Variants in FAM199X observed in about 807,000 individuals in gnomAD.
FAM199X encodes the protein protein FAM199X.
In FAM199X, 4 loss-of-function variants were observed where a neutral mutation model predicts 22.9. The observed-to-expected ratio is 0.17, with a 90% CI of 0.09 to 0.40. The LOEUF (loss-of-function observed/expected upper bound fraction) is 0.40, where lower values mean the gene tolerates loss of function less well. FAM199X is among the 10% of genes least tolerant of loss of function. The probability of loss-of-function intolerance (pLI) is 1.00; values close to 1 mark genes in which losing one functional copy is unlikely to be tolerated. For missense variants in FAM199X, 183 were observed against 306.8 expected (o/e 0.60, Z 3.01); for synonymous variants, 101 against 112.3 (o/e 0.90, Z 0.64).
chrX:104,186,781 T>G (rs1921815236), intron 4 of FAM199X, among the ~76,000 whole-genome samples, 160 bp downstream of exon 4: 1 of 111,039 alleles, frequency 9.0e-6, no homozygotes, highest in Non-Finnish European at 1.9e-5. Context: ...ATTTAAGAGG[T>G]TTTATGTACA....
intron 1 of FAM199X, among the ~76,000 whole-genome samples, chrX:104,171,961 G>A (rs1032610366): frequency 9.0e-6 from 1 of 111,538 alleles, no homozygotes; most frequent in Non-Finnish European, 1.9e-5. Context: ...CTTTTTAAAC[G>A]TCTAGATGTA....
At chrX:104,187,500 A>G (rs1172372474) in intron 4 of FAM199X, among the ~76,000 whole-genome samples, 2 of 112,214 alleles carry the variant, frequency 1.8e-5, no homozygotes, top group Admixed American at 1.9e-4. Context: ...ATCATTATTT[A>G]TGAAAAATTT....
intron 2 of FAM199X, 52 bp downstream of exon 2, chrX:104,175,894 A>G (rs1921477594): frequency 1.1e-6 from 1 of 915,793 alleles, no homozygotes; most frequent in Non-Finnish European, 1.5e-6. Context: ...GTAGAAGTAT[A>G]AACTTTTCTT....
chrX:104,164,689 T>C (rs1453594821), upstream of FAM199X, among the ~76,000 whole-genome samples: 1 of 110,479 alleles, frequency 9.1e-6, no homozygotes, highest in Non-Finnish European at 1.9e-5. Flanking sequence ...GAAACCAGCC[T>C]GGCAAACATG....
chrX:104,174,075 G>C (rs782383129), intron 1 of FAM199X, among the ~76,000 whole-genome samples: 4 of 111,181 alleles, frequency 3.6e-5, no homozygotes, highest in Admixed American at 9.6e-5. Context: ...AGGAGTTTGA[G>C]ACGAGCCTGG....
upstream of FAM199X, among the ~76,000 whole-genome samples, chrX:104,162,532 T>C (rs1556372869): frequency 1.8e-5 from 2 of 112,211 alleles, no homozygotes; most frequent in Admixed American, 9.5e-5. Flanking sequence ...GTCCATCTTT[T>C]GTTGGCCTAC....
Position 104,194,978 on chromosome X carries a change from G to A in FAM199X, c.*5200G>A, listed in dbSNP as rs1922022926. 9.1e-6 allele frequency: 1 copy of A among 109,652 alleles called. No homozygotes were observed. Among genetic ancestry groups the A allele is most frequent in the Non-Finnish European group, 1.9e-5 (1 of 52,644 alleles). The allele number at this position is 109,652 out of a possible 1,213,427, so 9.0% of individuals were successfully genotyped here. ...CTGTACATTCTGTACTTACTACAGT[G>A]TATATAAAGCCTGTTTTCCCTGAAG... On this transcript the variant is annotated 3_prime_UTR_variant, in exon 6 of 6. Coordinates refer to ENST00000493442, the MANE Select transcript of FAM199X (RefSeq NM_207318.4).
chrX:104,161,608 C>T (rs1235339526), upstream of FAM199X, among the ~76,000 whole-genome samples: 10 of 110,743 alleles, frequency 9.0e-5, no homozygotes, highest in African/African-American at 3.0e-4. Context: ...TTTGGGAGGC[C>T]GAGGTGGGCG....
chrX:104,157,398 T>C, the FAM199X span, among the ~76,000 whole-genome samples: 3 of 111,204 alleles, frequency 2.7e-5, no homozygotes, highest in Non-Finnish European at 3.8e-5. Flanking sequence ...TCTGACTCTT[T>C]AGCTGCATAT....
the FAM199X span, among the ~76,000 whole-genome samples, chrX:104,160,044 C>G: frequency 8.9e-6 from 1 of 112,129 alleles, no homozygotes; most frequent in African/African-American, 3.2e-5. Flanking sequence ...ATCACTGGCC[C>G]AAGAATCATG....
the FAM199X span, among the ~76,000 whole-genome samples, chrX:104,159,662 C>T: frequency 6.5e-4 from 73 of 112,273 alleles, no homozygotes; most frequent in Non-Finnish European, 1.2e-3. Flanking sequence ...TTTTACACAG[C>T]TGGTGACCAG....
chrX:104,162,103 A>G (rs1921057259), upstream of FAM199X, among the ~76,000 whole-genome samples: 1 of 111,931 alleles, frequency 8.9e-6, no homozygotes, highest in South Asian at 3.7e-4. Flanking sequence ...CAGGTTCCCA[A>G]TCACATCCAT....
chrX:104,185,685 AC>A (rs1181283431), intron 2 of FAM199X, among the ~76,000 whole-genome samples: 1 of 110,252 alleles, frequency 9.1e-6, no homozygotes, highest in African/African-American at 3.3e-5. Context: ...ATCTCGGCTC[AC>A]TGCAACCTCC....
intron 2 of FAM199X, among the ~76,000 whole-genome samples, chrX:104,180,190 A>G (rs1225752041): frequency 9.3e-6 from 1 of 107,278 alleles, no homozygotes; most frequent in Non-Finnish European, 1.9e-5. Context: ...TTTGCTGCCC[A>G]GGCTGGTCTT....
At chrX:104,178,919 G>C (rs1180519250) in intron 2 of FAM199X, among the ~76,000 whole-genome samples, 1 of 111,391 alleles carries the variant, frequency 9.0e-6, no homozygotes, top group Non-Finnish European at 1.9e-5. Context: ...CTTGAGCCCA[G>C]GAGTTCGAAA....
chrX:104,186,484 C>T lies in FAM199X; in HGVS notation c.592C>T (p.Arg198Trp). The T allele has an allele frequency of 3.3e-6, 4 of 1,209,214 alleles. No homozygotes were observed. The highest frequency in any genetic ancestry group is 4.5e-6 in the Non-Finnish European group (4 of 894,575). Reference sequence around the variant, plus strand: ...GGTGGAATATATTGAGTATCTGAGTCGGAAAGTGAGTACTGAGATGGGTCT... The same window carrying T: ...GGTGGAATATATTGAGTATCTGAGTTGGAAAGTGAGTACTGAGATGGGTCT... ...EQVEYIEYLS[R>W]KVSTEMGLRE... Residue 198 changes from arginine (R) to tryptophan (W), a missense_variant, in exon 4 of 6, where the codon CGG (arginine) becomes TGG (tryptophan). Physicochemically the swap from Arg to Trp is moderately radical, Grantham distance 101. Coordinates refer to ENST00000493442, the MANE Select transcript of FAM199X (RefSeq NM_207318.4).
intron 1 of FAM199X, among the ~76,000 whole-genome samples, 170 bp downstream of exon 1, chrX:104,167,152 C>A (rs956526272): frequency 9.7e-6 from 1 of 102,762 alleles, no homozygotes; most frequent in Non-Finnish European, 2.0e-5. Flanking sequence ...CACCCCTGCC[C>A]TCCTATTTTC....
Position 104,189,647 on chromosome X carries a change from C to T in FAM199X, c.1036C>T (p.Arg346Cys), listed in dbSNP as rs1921889188. The T allele has an allele frequency of 1.7e-6, 2 of 1,211,546 alleles. No homozygotes were observed. The highest frequency in any genetic ancestry group is 2.2e-6 in the Non-Finnish European group (2 of 895,338). ...KQRKLQQKAF[R>C]KRQLKEQRQA... ...GCGGAAGTTACAGCAGAAGGCCTTC[C>T]GCAAGAGGCAGCTGAAGGAGCAGAG... Residue 346 changes from arginine (R) to cysteine (C), a missense_variant, in exon 6 of 6, where the codon CGC (arginine) becomes TGC (cysteine). Arg to Cys is a radical substitution (Grantham distance 180, BLOSUM62 -3). Transcript: ENST00000493442.
chrX:104,188,002 G>A (rs1921846589), intron 4 of FAM199X, 38 bp from the exon 5 acceptor site: 1 of 1,186,324 alleles, frequency 8.4e-7, no homozygotes, highest in Non-Finnish European at 1.1e-6. Flanking sequence ...AGAACATCAA[G>A]GTGCAACACT....
Sources: allele counts gnomAD v4.1 joint callset (sites outside exome capture counted in the v4.1 genomes callset), GRCh38; gene constraint gnomAD v4.1.1; transcripts MANE v1.5; gene names NCBI Gene and HGNC (gene_info 2026-07-23, HGNC 2026-07-21).